ALDOA: variants seen among roughly 807,000 people sequenced by gnomAD.
ALDOA encodes fructose-bisphosphate aldolase A.
In ALDOA, 26 loss-of-function variants were observed where a neutral mutation model predicts 43.9. The observed-to-expected ratio is 0.59, with a 90% CI of 0.43 to 0.82. ALDOA has a LOEUF of 0.82. Among genes scored for constraint, ALDOA ranks in the 40% least tolerant of loss-of-function variants. The pLI is 0.00. For missense variants in ALDOA, 498 were observed against 549.5 expected (o/e 0.91, Z 0.94); for synonymous variants, 258 against 222.6 (o/e 1.16, Z -1.42).
intron 4 of ALDOA, 197 bp from the exon 5 acceptor site, chr16:30,068,449 G>A: frequency 1.5e-6 from 1 of 669,900 alleles, no homozygotes; most frequent in Non-Finnish European, 2.7e-6. Context: ...AAATGTGGGG[G>A]AAGACTGGGG....
chr16:30,066,501 G>A (rs1052825999), intron 1 of ALDOA, among the ~76,000 whole-genome samples: 4 of 152,236 alleles, frequency 2.6e-5, no homozygotes, highest in African/African-American at 9.6e-5. Context: ...GAACAGTGAC[G>A]ATGGCAAAGC....
rs1385792025 is a variant in ALDOA at position 30,067,600 on chromosome 16, C to T, written c.425C>T (p.Ala142Val). 10 of 1,613,964 alleles carry T rather than the reference C, an allele frequency of 6.2e-6. No homozygotes were observed. The highest frequency in any genetic ancestry group is 3.3e-5 in the Admixed American group (2 of 59,992). ...ILFHETLYQKADDGRPFPQVI... is the reference protein window; with the variant it reads ...ILFHETLYQKVDDGRPFPQVI... ...TTCCATGAGACACTCTACCAGAAGG[C>T]GGATGATGGGCGTCCCTTCCCCCAA... Residue 142 changes from alanine to valine, a missense_variant, in exon 4 of 10, where the codon GCG becomes GTG. Transcript: ENST00000642816.
In ALDOA at chr16:30,067,416, G is replaced by A; in HGVS notation, c.275-34G>A. Reference sequence around the variant, plus strand: ...GGAGGGTGCAGGGTTGGGAGTGGCAGGCTGATCCCCTAATTCCCATGTGAC... The same window carrying A: ...GGAGGGTGCAGGGTTGGGAGTGGCAAGCTGATCCCCTAATTCCCATGTGAC... On this transcript the variant is annotated intron_variant, in intron 3 of 9. Transcript: ENST00000642816. The A allele has an allele frequency of 1.9e-6, 3 of 1,613,840 alleles. No individual in the cohort carries two copies. The South Asian group carries it at 3.3e-5, about 18-fold the overall frequency.
At chr16:30,067,971 C>T in intron 4 of ALDOA, 1 of 454,156 alleles carries the variant, frequency 2.2e-6, no homozygotes, top group South Asian at 2.3e-5. Context: ...CCAGTGTATC[C>T]TGTCTCAGAG....
upstream of ALDOA, chr16:30,064,855 T>C (rs924811383): frequency 1.4e-4 from 29 of 204,960 alleles, no homozygotes; most frequent in African/African-American, 5.3e-4. Flanking sequence ...CCAGATGGGG[T>C]CCAGGTGAGG....
chr16:30,067,804 A>T, intron 4 of ALDOA, 143 bp downstream of exon 4: 1 of 895,182 alleles, frequency 1.1e-6, no homozygotes, highest in Non-Finnish European at 1.8e-6. Context: ...TTTACTCGAC[A>T]TTTTTAATCC....
intron 2 of ALDOA, 36 bp from the exon 3 acceptor site, chr16:30,067,198 G>C (rs773340964): frequency 6.2e-7 from 1 of 1,611,762 alleles, no homozygotes; most frequent in East Asian, 2.2e-5. Flanking sequence ...GGAAACCCTA[G>C]CTAACTAGTC....
rs752764982 is a variant in ALDOA, at chr16:30,067,445, C to T, written c.275-5C>T. On this transcript the variant is annotated splice_region_variant and splice_polypyrimidine_tract_variant and intron_variant, in intron 3 of 9. Transcript: ENST00000642816. ...GATCCCCTAATTCCCATGTGACACT[C>T]CCAGGGAGCATTGCCAAGCGGCTGC... is the stretch of plus-strand genomic sequence containing the variant. 5.7e-5 allele frequency: 92 copies of T among 1,613,332 alleles called. No homozygotes were observed. Among genetic ancestry groups the T allele is most frequent in the Non-Finnish European group, 7.4e-5 (87 of 1,179,942 alleles).
chr16:30,067,867 A>C (rs2072176762), intron 4 of ALDOA: 7 of 645,058 alleles, frequency 1.1e-5, no homozygotes, highest in Non-Finnish European at 1.6e-5. Context: ...AAAATCTCAG[A>C]AGCTCAGGGA....
At chr16:30,067,838 C>A (rs1397500908) in intron 4 of ALDOA, 177 bp downstream of exon 4, 2 of 730,870 alleles carry the variant, frequency 2.7e-6, no homozygotes, top group East Asian at 2.7e-5. Context: ...AGAACAGTAT[C>A]ATTCCCACTT....
upstream of ALDOA, among the ~76,000 whole-genome samples, chr16:30,065,215 C>T (rs1050045921): frequency 6.6e-6 from 1 of 152,224 alleles, no homozygotes; most frequent in African/African-American, 2.4e-5. Flanking sequence ...ATGCCCTTTC[C>T]TCCGCCTCCC....
intron 4 of ALDOA, chr16:30,068,427 A>T (rs1020117795): frequency 1.1e-5 from 7 of 626,728 alleles, no homozygotes; most frequent in Non-Finnish European, 2.0e-5. Flanking sequence ...GATGCAGTTT[A>T]AGGGATTAAG....
At chr16:30,069,044 T>C (rs1177785556) in intron 6 of ALDOA, 66 bp downstream of exon 6, 3 of 1,606,142 alleles carry the variant, frequency 1.9e-6, no homozygotes, top group Non-Finnish European at 2.6e-6. Flanking sequence ...TTAATTTGCC[T>C]ATTACCTGCC....
At chr16:30,068,789 C>G (rs764633128) in intron 5 of ALDOA, 29 bp from the exon 6 acceptor site, 2 of 1,614,222 alleles carry the variant, frequency 1.2e-6, no homozygotes, top group Non-Finnish European at 1.7e-6. Flanking sequence ...CCCTCCCCAC[C>G]GTGCTCTGAC....
chr16:30,068,315 C>T (rs916730220), intron 4 of ALDOA: 9 of 366,862 alleles, frequency 2.5e-5, no homozygotes, highest in East Asian at 7.0e-5. Flanking sequence ...CTGCCCACCT[C>T]GGCCTCCCAA....
intron 5 of ALDOA, 29 bp downstream of exon 5, chr16:30,068,729 G>C: frequency 6.2e-7 from 1 of 1,614,204 alleles, no homozygotes; most frequent in Non-Finnish European, 8.5e-7. Context: ...TCTGCCCTAC[G>C]AACCCAACCA....
In ALDOA at chr16:30,067,490, C is replaced by T; in HGVS notation, c.315C>T (p.Asn105=). 1.2e-6 allele frequency: 2 copies of T among 1,613,598 alleles called. No homozygotes were observed. Among genetic ancestry groups the T allele is most frequent in the Non-Finnish European group, 1.7e-6 (2 of 1,180,034 alleles). The change falls in exon 4 of 10, where the codon AAC becomes AAT. Residue 105 remains asparagine (N), a synonymous_variant. Transcript: ENST00000642816. ...AKRLQSIGTE[N]TEENRRFYRQ... The stretch of plus-strand genomic sequence containing the variant: ...GGCTGCAGTCCATTGGCACCGAGAA[C>T]ACCGAGGAGAACCGGCGCTTCTACC...
At position 30,067,626 on chromosome 16, in the gene ALDOA, G is replaced by A. The variant is rs773422001; in HGVS notation, c.451G>A (p.Val151Ile). ...GGATGATGGGCGTCCCTTCCCCCAAGTTATCAAATCCAAGGGCGGTGTTGT... is the reference window on the plus strand; with the variant it reads ...GGATGATGGGCGTCCCTTCCCCCAAATTATCAAATCCAAGGGCGGTGTTGT... ...KADDGRPFPQ[V>I]IKSKGGVVGI... The change falls in exon 4 of 10, where the codon GTT (valine) becomes ATT (isoleucine). Residue 151 changes from valine to isoleucine, a missense_variant. Physicochemically the swap from Val to Ile is conservative, Grantham distance 29 (BLOSUM62 3). Transcript: ENST00000642816. 2 of 1,614,172 alleles carry A rather than the reference G, an allele frequency of 1.2e-6. No homozygotes were observed. Among genetic ancestry groups the A allele is most frequent in the South Asian group, 2.2e-5 (2 of 91,088 alleles).
chr16:30,070,065 T>TG (rs945971126), intron 9 of ALDOA, 36 bp downstream of exon 9: 2 of 1,613,484 alleles, frequency 1.2e-6, no homozygotes, highest in Non-Finnish European at 1.7e-6. Context: ...GGTGCCTGGG[T>TG]GGATGGGACT....
Sources: allele counts gnomAD v4.1 joint callset (sites outside exome capture counted in the v4.1 genomes callset), GRCh38; gene constraint gnomAD v4.1.1; transcripts MANE v1.5; gene names NCBI Gene and HGNC (gene_info 2026-07-23, HGNC 2026-07-21).